The following MAPK10 variants were observed in gnomAD, a reference collection of about 807,000 sequenced individuals.
MAPK10 encodes JNK3 alpha protein kinase.
MAPK10 carries 25 observed loss-of-function variants against 59.3 expected under a neutral mutation model. The ratio of observed to expected loss-of-function variants is 0.42; its 90% CI spans 0.31 to 0.59. The LOEUF is 0.59. Ranked by LOEUF, MAPK10 falls within the 20% of genes least tolerant of loss-of-function variation. The probability of loss-of-function intolerance (pLI) is 0.15; values close to 1 mark genes in which losing one functional copy is unlikely to be tolerated. For missense variants in MAPK10, 351 were observed against 568.9 expected, an observed-to-expected ratio of 0.62 and a Z score of 3.90; for synonymous variants, 190 against 200.5, an observed-to-expected ratio of 0.95 and a Z score of 0.44.
intron 1 of MAPK10, among the ~76,000 whole-genome samples, chr4:86,573,999 C>T (rs1022940667): frequency 1.3e-5 from 2 of 152,130 alleles, no homozygotes; most frequent in African/African-American, 4.8e-5. Flanking sequence ...TGCTGTGCTG[C>T]ACCCATTAAC....
intron 2 of MAPK10, among the ~76,000 whole-genome samples, chr4:86,282,579 G>A (rs2094849062): frequency 6.6e-6 from 1 of 152,136 alleles, no homozygotes; most frequent in African/African-American, 2.4e-5. Context: ...TACAGATTTT[G>A]GAGGAAAACA....
chr4:86,233,679 C>T (rs932395749), intron 2 of MAPK10, among the ~76,000 whole-genome samples: 1 of 152,066 alleles, frequency 6.6e-6, no homozygotes, highest in African/African-American at 2.4e-5. Flanking sequence ...AGAAAGATAC[C>T]ACCTAGGACA....
chr4:86,425,397 T>C (rs536525957), intron 1 of MAPK10, among the ~76,000 whole-genome samples: 11 of 151,856 alleles, frequency 7.2e-5, no homozygotes, highest in Admixed American at 4.6e-4. Context: ...GTATATATTA[T>C]ATAAAATGAC....
chr4:86,243,352 T>C (rs1473777194), intron 2 of MAPK10, among the ~76,000 whole-genome samples: 1 of 152,230 alleles, frequency 6.6e-6, no homozygotes, highest in Non-Finnish European at 1.5e-5. Context: ...TCTATTCTAC[T>C]ACATATGACT....
intron 1 of MAPK10, among the ~76,000 whole-genome samples, chr4:86,480,108 C>T (rs1185868251): frequency 6.6e-6 from 1 of 152,154 alleles, no homozygotes; most frequent in Non-Finnish European, 1.5e-5. Flanking sequence ...TCCCCTGTGA[C>T]CTGCACGTAT....
intron 1 of MAPK10, among the ~76,000 whole-genome samples, chr4:86,484,092 A>G (rs1753801090): frequency 6.6e-6 from 1 of 152,172 alleles, no homozygotes; most frequent in Non-Finnish European, 1.5e-5. Flanking sequence ...GAAGCAAGTA[A>G]TGGAGGCTTG....
chr4:86,057,184 C>A (rs1193231265), intron 11 of MAPK10, among the ~76,000 whole-genome samples: 1 of 149,358 alleles, frequency 6.7e-6, no homozygotes, highest in African/African-American at 2.5e-5. Flanking sequence ...ATCAAGTGAT[C>A]CACCCGCCTT....
chr4:86,219,501 G>A (rs941631123), intron 2 of MAPK10, among the ~76,000 whole-genome samples: 3 of 151,926 alleles, frequency 2.0e-5, no homozygotes, highest in Non-Finnish European at 4.4e-5. Flanking sequence ...CAATGTCAAT[G>A]TTTTCTTAAT....
chr4:86,363,799 T>C (rs1322029849), upstream of MAPK10, among the ~76,000 whole-genome samples: 1 of 152,178 alleles, frequency 6.6e-6, no homozygotes, highest in Non-Finnish European at 1.5e-5. Context: ...CTCTTTTTTT[T>C]TGAGACAGGG....
At chr4:86,584,900 T>C (rs1211829943) in intron 1 of MAPK10, among the ~76,000 whole-genome samples, 2 of 152,140 alleles carry the variant, frequency 1.3e-5, no homozygotes, top group Non-Finnish European at 2.9e-5. Flanking sequence ...GAGAAGACTT[T>C]TATCCAATAA....
At chr4:86,121,482 C>T (rs1266956968) in intron 4 of MAPK10, among the ~76,000 whole-genome samples, 1 of 152,098 alleles carries the variant, frequency 6.6e-6, no homozygotes, top group Non-Finnish European at 1.5e-5. Context: ...TGGGGAGACA[C>T]AAAAGATACA....
rs1240040074 is a variant in MAPK10, at chr4:86,500,473, T to C, written c.-263+93437A>G. Among the ~76,000 whole-genome samples, 4 of 152,142 alleles carry C rather than the reference T, an allele frequency of 2.6e-5. No individual in the cohort carries two copies. The East Asian group carries it at 5.8e-4, about 22-fold the overall frequency. Reference sequence around the variant, plus strand: ...TTAATACACAATCTCTGAAATTTATTTCACAAAGTGTTCTGAGTTTCCTGA... The same window carrying C: ...TTAATACACAATCTCTGAAATTTATCTCACAAAGTGTTCTGAGTTTCCTGA... On this transcript the variant is annotated intron_variant, in intron 1 of 4. Transcript: ENST00000502302.
rs543092965 is a variant in MAPK10, at chr4:86,230,804, C to G, written c.-6-36397G>C. Reference sequence around the variant, plus strand: ...ATAGCATATAACAACATCTGGTCAACATTTAATCACCTAGTTTTATAGTAA... The same window carrying G: ...ATAGCATATAACAACATCTGGTCAAGATTTAATCACCTAGTTTTATAGTAA... On this transcript the variant is annotated intron_variant, in intron 2 of 13. Coordinates refer to ENST00000641462, the MANE Select transcript of MAPK10 (RefSeq NM_138982.4). 4.6e-5 allele frequency among the ~76,000 whole-genome samples: 7 copies of G among 152,292 alleles called. No homozygotes were observed. In the South Asian group the frequency reaches 1.5e-3, roughly 32 times the overall value.
intron 3 of MAPK10, among the ~76,000 whole-genome samples, chr4:86,165,718 A>C (rs2071476030): frequency 6.6e-6 from 1 of 151,758 alleles, no homozygotes; most frequent in Non-Finnish European, 1.5e-5. Context: ...TGAGTTTTAA[A>C]GGGGAAGATT....
At chr4:86,585,339 C>CA (rs1279251881) in intron 1 of MAPK10, among the ~76,000 whole-genome samples, 2 of 152,100 alleles carry the variant, frequency 1.3e-5, no homozygotes, top group Non-Finnish European at 2.9e-5. Flanking sequence ...GAATATATTA[C>CA]AAAAATATAT....
chr4:86,278,219 T>C (rs2094657828), intron 2 of MAPK10, among the ~76,000 whole-genome samples: 1 of 152,166 alleles, frequency 6.6e-6, no homozygotes, highest in South Asian at 2.1e-4. Flanking sequence ...CTAACAAATG[T>C]AGCTTTCAAA....
intron 1 of MAPK10, among the ~76,000 whole-genome samples, chr4:86,402,814 A>T (rs1743891835): frequency 6.6e-6 from 1 of 152,174 alleles, no homozygotes; most frequent in African/African-American, 2.4e-5. Context: ...GATATCCCAG[A>T]AACAGGCCAG....
chr4:86,305,185 T>C (rs1043126195), intron 2 of MAPK10, among the ~76,000 whole-genome samples: 1 of 152,212 alleles, frequency 6.6e-6, no homozygotes, highest in Admixed American at 6.5e-5. Context: ...TTCTGACCTA[T>C]TGTTGAAACA....
intron 1 of MAPK10, among the ~76,000 whole-genome samples, chr4:86,478,676 C>A (rs982739768): frequency 1.3e-5 from 2 of 152,162 alleles, no homozygotes; most frequent in African/African-American, 4.8e-5. Context: ...GATACCACAC[C>A]TGAGCCCCAT....
Sources: gnomAD v4.1 joint callset for allele counts (sites outside exome capture counted in the v4.1 genomes callset) on GRCh38, gnomAD v4.1.1 for gene constraint, MANE v1.5 for transcripts, NCBI Gene and HGNC (gene_info 2026-07-23, HGNC 2026-07-21) for gene names.